AK8: variants seen among roughly 807,000 people sequenced by gnomAD.
AK8 encodes adenylate kinase 8.
In AK8, 44 loss-of-function variants were observed where a neutral mutation model predicts 54.6. The ratio of observed to expected loss-of-function variants is 0.81; its 90% CI spans 0.63 to 1.04. AK8 has a LOEUF of 1.04. AK8 is among the 50% of genes least tolerant of loss of function. The pLI is 0.00. For synonymous variants in AK8, 239 were observed against 245.6 expected (o/e 0.97, Z 0.25); for missense variants, 555 against 613.6 (o/e 0.90, Z 1.01).
At chr9:132,812,911 C>T (rs1454401072) in intron 10 of AK8, among the ~76,000 whole-genome samples, 2 of 127,480 alleles carry the variant, frequency 1.6e-5, no homozygotes, top group Non-Finnish European at 3.4e-5. Context: ...CTGTGGCCAC[C>T]GCAGACACCC....
intron 5 of AK8, among the ~76,000 whole-genome samples, chr9:132,832,629 A>G (rs2771986): frequency 0.95 from 144,543 of 152,320 alleles, 68,672 homozygotes; most frequent in East Asian, 1. Context: ...TCAGCACTGA[A>G]AAAGGCCTCT....
intron 9 of AK8, among the ~76,000 whole-genome samples, chr9:132,819,854 T>C (rs1414658528): frequency 3.3e-5 from 5 of 151,832 alleles, no homozygotes; most frequent in Admixed American, 3.3e-4. Flanking sequence ...ATCAGGAAAA[T>C]CCCCAAATAT....
intron 11 of AK8, among the ~76,000 whole-genome samples, chr9:132,737,775 C>T (rs2130961993): frequency 6.6e-6 from 1 of 152,298 alleles, no homozygotes; most frequent in Admixed American, 6.5e-5. Context: ...ATACTTAATG[C>T]CCAAAGACTA....
At chr9:132,753,849 C>T (rs1838063240) in intron 11 of AK8, among the ~76,000 whole-genome samples, 2 of 152,242 alleles carry the variant, frequency 1.3e-5, no homozygotes, top group Non-Finnish European at 2.9e-5. Flanking sequence ...ACGAAGGTCT[C>T]CTCTTCGTAT....
intron 10 of AK8, among the ~76,000 whole-genome samples, chr9:132,802,235 A>G (rs947853310): frequency 3.9e-5 from 6 of 152,006 alleles, no homozygotes; most frequent in Non-Finnish European, 8.8e-5. Context: ...GAACAAAACT[A>G]AAATGTTCAC....
chr9:132,795,986 G>A (rs905795816), intron 10 of AK8, among the ~76,000 whole-genome samples: 1 of 152,186 alleles, frequency 6.6e-6, no homozygotes, highest in East Asian at 1.9e-4. Flanking sequence ...AGTATGGCTT[G>A]GAAACCCAGC....
rs376504120 is a variant in AK8, at chr9:132,829,025, C to T, written c.403-299G>A. On this transcript the variant is annotated intron_variant, in intron 5 of 12. Coordinates refer to ENST00000298545, the MANE Select transcript of AK8 (RefSeq NM_152572.3). ...AATCTGGAGTGCAATGGCACAATCT[C>T]GGCACACTGCAACCTCCGCCTCCTG... Among the ~76,000 whole-genome samples, 13 of 151,066 alleles carry T rather than the reference C, an allele frequency of 8.6e-5. No homozygotes were observed. The East Asian group carries it at 1.8e-3, about 20-fold the overall frequency.
At position 132,790,026 on chromosome 9, in the gene AK8, G is replaced by C. The variant is rs979406127; in HGVS notation, c.1121+2608C>G. Among the ~76,000 whole-genome samples the C allele has an allele frequency of 2.0e-5, 3 of 152,130 alleles. No homozygotes were observed. Among genetic ancestry groups the C allele is most frequent in the Non-Finnish European group, 4.4e-5 (3 of 68,032 alleles). On this transcript the variant is annotated intron_variant, in intron 11 of 12. Coordinates refer to ENST00000298545, the MANE Select transcript of AK8 (RefSeq NM_152572.3). This position sits in a 1 kb window ranked among gnomAD's most constrained non-coding sequence, Gnocchi z 4.1. ...ATATTCAGACGCATGACAGCAGGGGGCAAAGGTCCTAAGGGTCAAAATTCT... is the reference window on the plus strand; with the variant it reads ...ATATTCAGACGCATGACAGCAGGGGCCAAAGGTCCTAAGGGTCAAAATTCT...
intron 2 of AK8, among the ~76,000 whole-genome samples, chr9:132,871,545 C>T (rs991994077): frequency 1.3e-5 from 2 of 152,222 alleles, no homozygotes; most frequent in Non-Finnish European, 2.9e-5. Flanking sequence ...CCCAGTGACT[C>T]GACTCCCTGA....
rs11243905 is a variant in AK8 at position 132,760,677 on chromosome 9, A to G, written c.1121+31957T>C. Among the ~76,000 whole-genome samples the G allele has an allele frequency of 5.3e-4, 81 of 152,278 alleles. 4 individuals carry two copies. The East Asian group carries it at 0.01, about 20-fold the overall frequency. On this transcript the variant is annotated intron_variant, in intron 11 of 12. Coordinates refer to ENST00000298545, the MANE Select transcript of AK8 (RefSeq NM_152572.3). Reference sequence around the variant, plus strand: ...GCTTGATTTTAAAGGGCATGCTTCTAACATTTCACCACTAAGACCTATGGT... The same window carrying G: ...GCTTGATTTTAAAGGGCATGCTTCTGACATTTCACCACTAAGACCTATGGT...
intron 5 of AK8, among the ~76,000 whole-genome samples, chr9:132,843,762 C>T (rs1842631572): frequency 2.6e-5 from 4 of 152,274 alleles, no homozygotes; most frequent in South Asian, 2.1e-4. Flanking sequence ...AAAGTGTGAA[C>T]ATCAGTTGCC....
chr9:132,738,420 T>C (rs1837217840), intron 11 of AK8, among the ~76,000 whole-genome samples: 1 of 152,142 alleles, frequency 6.6e-6, no homozygotes, highest in Admixed American at 6.6e-5. Flanking sequence ...AACTCTTCTT[T>C]TTTTTTAATT....
rs1841249647 is a variant in AK8 at position 132,814,852 on chromosome 9, G to A, written c.890-125C>T. 16 of 733,390 alleles carry A rather than the reference G, an allele frequency of 2.2e-5. No individual in the cohort carries two copies. The South Asian group carries it at 2.6e-4, about 12-fold the overall frequency. The allele number at this position is 733,390 out of a possible 1,614,324, so 45.4% of individuals were successfully genotyped here. On this transcript the variant is annotated intron_variant, in intron 9 of 12. Coordinates refer to ENST00000298545, the MANE Select transcript of AK8 (RefSeq NM_152572.3). ...AAGGTCACTGAAAAAAGCATAAAAG[G>A]GTTTTTCTGTGTGTGGGTATGTGTC...
chr9:132,744,430 AAAAG>A (rs1177844493), intron 11 of AK8, among the ~76,000 whole-genome samples: 1 of 152,142 alleles, frequency 6.6e-6, no homozygotes, highest in African/African-American at 2.4e-5. Context: ...AAAAAAAAAA[AAAAG>A]GATAGATGCT....
At chr9:132,823,169 C>G in intron 9 of AK8, 36 bp downstream of exon 9, 8 of 1,509,832 alleles carry the variant, frequency 5.3e-6, no homozygotes, top group Non-Finnish European at 7.1e-6. Flanking sequence ...GGGAAAGGCT[C>G]TCGAAGCTGG....
chr9:132,768,556 C>T (rs1037842649), intron 11 of AK8, among the ~76,000 whole-genome samples: 3 of 152,196 alleles, frequency 2.0e-5, no homozygotes, highest in African/African-American at 4.8e-5. Flanking sequence ...CGTGAGCCAC[C>T]GTGCCGGCCA....
At chr9:132,753,918 A>T (rs901878465) in intron 11 of AK8, among the ~76,000 whole-genome samples, 3 of 152,176 alleles carry the variant, frequency 2.0e-5, no homozygotes, top group Non-Finnish European at 4.4e-5. Flanking sequence ...CCTCCATTTT[A>T]TGATGCAGAA....
At chr9:132,815,084 AG>A (rs1358979972) in intron 9 of AK8, among the ~76,000 whole-genome samples, 15 of 152,304 alleles carry the variant, frequency 9.8e-5, no homozygotes, top group East Asian at 7.7e-4. Context: ...GGTGCTGCGG[AG>A]GATCAGCGTT....
intron 11 of AK8, among the ~76,000 whole-genome samples, chr9:132,750,228 C>T (rs897745721): frequency 6.6e-6 from 1 of 151,920 alleles, no homozygotes; most frequent in African/African-American, 2.4e-5. Context: ...AAGCGATTCT[C>T]CTGCCTCAGC....
Sources: allele counts gnomAD v4.1 joint callset (sites outside exome capture counted in the v4.1 genomes callset), GRCh38; gene constraint gnomAD v4.1.1; non-coding constraint Gnocchi (gnomAD v3.1); transcripts MANE v1.5; gene names NCBI Gene and HGNC (gene_info 2026-07-23, HGNC 2026-07-21).